Variants in PDLIM5 observed in about 807,000 individuals in gnomAD.
PDLIM5 encodes PDZ and LIM domain 5.
PDLIM5 carries 34 observed loss-of-function variants against 64.2 expected under a neutral mutation model. The ratio of observed to expected loss-of-function variants is 0.53; its 90% CI spans 0.40 to 0.71. PDLIM5 has a LOEUF of 0.71. PDLIM5 is among the 30% of genes least tolerant of loss of function. The pLI is 0.00. For synonymous variants in PDLIM5, 253 were observed against 269.1 expected, an observed-to-expected ratio of 0.94 and a Z score of 0.59; for missense variants, 683 against 733.6, an observed-to-expected ratio of 0.93 and a Z score of 0.80.
chr4:94,456,726 A>G (rs1472316756), intron 2 of PDLIM5: 4 of 1,282,718 alleles, frequency 3.1e-6, no homozygotes, highest in Admixed American at 3.8e-5. Context: ...ATATGTGAAT[A>G]TATGTATCTA....
At chr4:94,655,605 T>C (rs918244371) in intron 10 of PDLIM5, among the ~76,000 whole-genome samples, 2 of 152,230 alleles carry the variant, frequency 1.3e-5, no homozygotes, top group African/African-American at 2.4e-5. Context: ...TTGTGTAATA[T>C]GTTGGGAACA....
At chr4:94,646,155 A>G (rs937227389) in intron 9 of PDLIM5, among the ~76,000 whole-genome samples, 15 of 152,330 alleles carry the variant, frequency 9.8e-5, no homozygotes, top group African/African-American at 3.6e-4. Context: ...TAAGAAGGTT[A>G]CTGTTGTGAA....
At chr4:94,461,484 G>A (rs72874767) in intron 2 of PDLIM5, among the ~76,000 whole-genome samples, 3,350 of 151,724 alleles carry the variant, frequency 0.022, 93 homozygotes, top group African/African-American at 0.07. Flanking sequence ...AACAGAGAGG[G>A]AAAAATCACT....
intron 9 of PDLIM5, among the ~76,000 whole-genome samples, chr4:94,641,905 A>G (rs893098521): frequency 4.6e-5 from 7 of 152,228 alleles, no homozygotes. Flanking sequence ...CCCATTCATC[A>G]TTTAGGCCAT....
chr4:94,514,422 C>T (rs956495047), intron 2 of PDLIM5, among the ~76,000 whole-genome samples: 1 of 152,102 alleles, frequency 6.6e-6, no homozygotes. Flanking sequence ...GCGTGAGCCA[C>T]TTCGCCTGGC....
chr4:94,520,530 A>G (rs1188632183), intron 2 of PDLIM5, among the ~76,000 whole-genome samples: 1 of 152,250 alleles, frequency 6.6e-6, no homozygotes. Context: ...TAGATTCATA[A>G]TGCTACATCC....
chr4:94,635,346 T>C (rs1740472604), intron 8 of PDLIM5, among the ~76,000 whole-genome samples: 1 of 152,176 alleles, frequency 6.6e-6, no homozygotes, highest in South Asian at 2.1e-4. Flanking sequence ...TGTGACAGTT[T>C]CCTGACTTGC....
At chr4:94,478,890 G>GGTTTTT (rs1235050313) in intron 2 of PDLIM5, among the ~76,000 whole-genome samples, 1 of 94,124 alleles carries the variant, frequency 1.1e-5, no homozygotes, top group African/African-American at 4.5e-5. Flanking sequence ...TGTGCTTGGT[G>GGTTTTT]TTTTTTTTTT....
chr4:94,496,736 G>T (rs909707380), intron 2 of PDLIM5, among the ~76,000 whole-genome samples: 3 of 152,170 alleles, frequency 2.0e-5, no homozygotes, highest in African/African-American at 7.2e-5. Flanking sequence ...GTTCCAGTCT[G>T]CTGGCCTTGG....
chr4:94,530,379 C>T (rs563697263), intron 3 of PDLIM5, among the ~76,000 whole-genome samples: 3 of 152,142 alleles, frequency 2.0e-5, no homozygotes, highest in African/African-American at 7.2e-5. Flanking sequence ...GTGACTTGTA[C>T]TGTTCTGCTC....
intron 7 of PDLIM5, among the ~76,000 whole-genome samples, chr4:94,589,240 A>G (rs1234875678): frequency 6.6e-6 from 1 of 152,228 alleles, no homozygotes; most frequent in Non-Finnish European, 1.5e-5. Context: ...AGTTGACAGA[A>G]AGAAGACTCA....
At chr4:94,611,050 CT>C in intron 7 of PDLIM5, 2 of 1,527,084 alleles carry the variant, frequency 1.3e-6, no homozygotes, top group Non-Finnish European at 1.8e-6. Flanking sequence ...ACTTAAAACT[CT>C]TTCTAAATGC....
At chr4:94,589,786 T>C (rs1395655018) in intron 7 of PDLIM5, among the ~76,000 whole-genome samples, 3 of 151,900 alleles carry the variant, frequency 2.0e-5, no homozygotes, top group Admixed American at 6.6e-5. Flanking sequence ...TTCCTTTTTT[T>C]AAATTTGAGA....
intron 10 of PDLIM5, 44 bp downstream of exon 10, chr4:94,654,684 G>A (rs752020076): frequency 2.3e-6 from 3 of 1,281,270 alleles, no homozygotes; most frequent in Non-Finnish European, 3.3e-6. Context: ...TTTTAAAGTA[G>A]AATAATTTTT....
intron 9 of PDLIM5, among the ~76,000 whole-genome samples, chr4:94,647,679 C>T (rs897647167): frequency 1.3e-5 from 2 of 152,116 alleles, no homozygotes; most frequent in Non-Finnish European, 2.9e-5. Context: ...GAACATTCCA[C>T]TCAGCAACAG....
chr4:94,638,943 A>G (rs756244354), intron 8 of PDLIM5, among the ~76,000 whole-genome samples: 4 of 152,218 alleles, frequency 2.6e-5, no homozygotes, highest in Non-Finnish European at 4.4e-5. Flanking sequence ...GCACAGAAAT[A>G]TATAGCAGAA....
chr4:94,611,313 ATTTGTGCCCAAT>A (rs1362823808), intron 7 of PDLIM5: 3 of 844,280 alleles, frequency 3.6e-6, no homozygotes, highest in Non-Finnish European at 5.4e-6. Flanking sequence ...AGTTCTAGGG[ATTTGTGCCCAAT>A]TTTGAATGAA....
intron 3 of PDLIM5, among the ~76,000 whole-genome samples, chr4:94,558,590 T>G (rs1733568211): frequency 6.6e-6 from 1 of 152,224 alleles, no homozygotes; most frequent in African/African-American, 2.4e-5. Flanking sequence ...GTTTTCTGCC[T>G]ATACTTGTAC....
At chr4:94,615,503 G>T (rs558803454) in intron 7 of PDLIM5, among the ~76,000 whole-genome samples, 19 of 152,086 alleles carry the variant, frequency 1.2e-4, no homozygotes, top group Non-Finnish European at 1.9e-4. Flanking sequence ...GAGGTACCTC[G>T]TATATAGAAT....
Sources: allele counts gnomAD v4.1 joint callset (sites outside exome capture counted in the v4.1 genomes callset), GRCh38; gene constraint gnomAD v4.1.1; transcripts MANE v1.5; gene names NCBI Gene and HGNC (gene_info 2026-07-23, HGNC 2026-07-21).